EPHA10: variants seen among roughly 807,000 people sequenced by gnomAD.
The protein encoded by EPHA10 is ephrin type-A receptor 10.
In EPHA10, 120 loss-of-function variants were observed where a neutral mutation model predicts 109.7. That is an observed-to-expected ratio of 1.09 (90% CI 0.94 to 1.27). EPHA10 has a LOEUF of 1.27. Among genes scored for constraint, EPHA10 ranks in the 50% most tolerant of loss-of-function variants. The pLI is 0.00. For synonymous variants in EPHA10, 640 were observed against 618.9 expected (o/e 1.03, Z -0.51); for missense variants, 1,396 against 1,411.1 (o/e 0.99, Z 0.17).
chr1:37,718,544 G>A, intron 16 of EPHA10, 58 bp from the exon 17 acceptor site: 1 of 1,610,862 alleles, frequency 6.2e-7, no homozygotes, highest in Non-Finnish European at 8.5e-7. Context: ...CTCCTCCCAT[G>A]AAGGCCCTCC....
chr1:37,715,008 C>A (rs1415799491), downstream of EPHA10: 2 of 152,364 alleles, frequency 1.3e-5, no homozygotes, highest in Non-Finnish European at 2.9e-5. Context: ...CCACTCCTCC[C>A]TCCTCTTTCA....
chr1:37,720,807 A>G lies in EPHA10; in HGVS notation c.2184T>C (p.His728=), dbSNP rs368463511. Residue 728 remains histidine, a synonymous_variant, in exon 12 of 17, where the codon CAT becomes CAC. Coordinates refer to ENST00000373048, the MANE Select transcript of EPHA10 (RefSeq NM_001099439.2). ...CCCTGAGGAAGCCGTCCAGGGCCCC[A>G]TGGCTCATGTACTCGGTGACAATCA... ...TLMIVTEYMS[H]GALDGFLRRH... is the part of the protein sequence containing the mutation. 44 of 1,613,942 alleles carry G rather than the reference A, an allele frequency of 2.7e-5. No homozygotes were observed. Among genetic ancestry groups the G allele is most frequent in the Non-Finnish European group, 3.2e-5 (38 of 1,180,010 alleles).
At chr1:37,720,114 C>G (rs933282945) in intron 13 of EPHA10, 56 bp from the exon 14 acceptor site, 2 of 1,599,124 alleles carry the variant, frequency 1.3e-6, no homozygotes, top group African/African-American at 2.7e-5. Context: ...GCAGGTTTCC[C>G]CACCCCACTG....
At chr1:37,724,552 AAGG>A (rs1053935218) in intron 8 of EPHA10, among the ~76,000 whole-genome samples, 5 of 130,844 alleles carry the variant, frequency 3.8e-5, no homozygotes, top group Admixed American at 7.7e-5. Context: ...AGAGGAACAG[AAGG>A]AGAGCAGAGG....
intron 6 of EPHA10, among the ~76,000 whole-genome samples, chr1:37,733,973 C>T (rs1646029708): frequency 6.6e-6 from 1 of 152,190 alleles, no homozygotes; most frequent in Non-Finnish European, 1.5e-5. Context: ...CCATCTCAGT[C>T]AGTGGTACCT....
Position 37,718,221 on chromosome 1 carries a change from C to A in EPHA10, c.*151G>T. The A allele has an allele frequency of 1.5e-6, 1 of 669,560 alleles. No homozygotes were observed. The highest frequency in any genetic ancestry group is 2.6e-6 in the Non-Finnish European group (1 of 385,962). The allele number at this position is 669,560 out of a possible 1,614,324, so 41.5% of individuals were successfully genotyped here. ...AAATGGGAGGGGCAGGCAGTGAAAG[C>A]GGGGAAGCTGTGGCCCCACCAGATC... On this transcript the variant is annotated 3_prime_UTR_variant, in exon 17 of 17. Transcript: ENST00000373048.
rs757098334 is a variant in EPHA10 at position 37,764,063 on chromosome 1, C to T, written c.106+898G>A. ...AGAAAATGGTTTGGACAGCAGAGTC[C>T]GCAGACCAGAGACAGGAGGTCAGGA... On this transcript the variant is annotated intron_variant, in intron 1 of 16. Coordinates refer to ENST00000373048, the MANE Select transcript of EPHA10 (RefSeq NM_001099439.2). This position sits in a 1 kb window ranked among gnomAD's most constrained non-coding sequence, Gnocchi z 5.8. 1.3e-5 allele frequency among the ~76,000 whole-genome samples: 2 copies of T among 152,166 alleles called. No homozygotes were observed. Among genetic ancestry groups the T allele is most frequent in the Admixed American group, 6.5e-5 (1 of 15,278 alleles).
intron 6 of EPHA10, 121 bp downstream of exon 6, chr1:37,735,136 G>A (rs1030715848): frequency 6.8e-6 from 9 of 1,317,458 alleles, no homozygotes; most frequent in Admixed American, 4.2e-5. Context: ...CCTAGGAGAC[G>A]GGTGGTTATG....
In EPHA10 at chr1:37,731,457, C is replaced by T. The variant is rs1645980829; in HGVS notation, c.1617G>A (p.Glu539=). The change falls in exon 7 of 17, where the codon GAG becomes GAA. Residue 539 remains glutamate, a synonymous_variant. Coordinates refer to ENST00000373048, the MANE Select transcript of EPHA10 (RefSeq NM_001099439.2). ...CAATGCTGGGGTTAAAACTCTGGGC[C>T]TCCCAGGATGGCCCCGGGGAAGCGG... The part of the protein sequence containing the change: ...IRAASPGPSW[E]AQSFNPSIEV... 1 of 1,613,692 alleles carries T rather than the reference C, an allele frequency of 6.2e-7. No individual in the cohort carries two copies. The highest frequency in any genetic ancestry group is 8.5e-7 in the Non-Finnish European group (1 of 1,179,790).
At chr1:37,718,866 C>T (rs777400058) in intron 15 of EPHA10, 50 bp from the exon 16 acceptor site, 7 of 1,555,564 alleles carry the variant, frequency 4.5e-6, no homozygotes, top group Admixed American at 3.7e-5. Context: ...TCTGGGCCCA[C>T]ACCTGGTGGT....
intron 5 of EPHA10, among the ~76,000 whole-genome samples, chr1:37,739,297 G>A (rs559549028): frequency 7.2e-5 from 11 of 152,222 alleles, no homozygotes; most frequent in African/African-American, 2.2e-4. Context: ...GAAACAATTC[G>A]TCACAAAAAG....
chr1:37,762,085 T>G lies in EPHA10; in HGVS notation c.172-2A>C. The G allele has an allele frequency of 6.3e-7, 1 of 1,577,664 alleles. No individual in the cohort carries two copies. Among genetic ancestry groups the G allele is most frequent in the Non-Finnish European group, 8.6e-7 (1 of 1,159,700 alleles). On this transcript the variant is annotated splice_acceptor_variant, in intron 2 of 16. Transcript: ENST00000373048. LOFTEE classifies it high-confidence loss of function. Reference sequence around the variant, plus strand: ...ATCCACGCCGCTGATCTCCTCCCACTGGGGACAAGAGTAAAGGGGTGGGCA... The same window carrying G: ...ATCCACGCCGCTGATCTCCTCCCACGGGGGACAAGAGTAAAGGGGTGGGCA...
At chr1:37,723,422 C>A (rs776502270) in intron 8 of EPHA10, 50 bp from the exon 9 acceptor site, 1 of 1,600,596 alleles carries the variant, frequency 6.2e-7, no homozygotes, top group Non-Finnish European at 8.5e-7. Flanking sequence ...CCCGGCCCTT[C>A]CCATTACAGA....
Position 37,754,883 on chromosome 1 carries a change from C to T in EPHA10, c.851-513G>A, listed in dbSNP as rs1646380679. Among the ~76,000 whole-genome samples, 1 of 152,052 alleles carries T rather than the reference C, an allele frequency of 6.6e-6. No homozygotes were observed. Among genetic ancestry groups the T allele is most frequent in the Non-Finnish European group, 1.5e-5 (1 of 68,000 alleles). ...CGGGATCTCCACTCACTGCAACCCC[C>T]ACCTCCCAGGTTTAAGCGATTCTCC... On this transcript the variant is annotated intron_variant, in intron 3 of 16. Coordinates refer to ENST00000373048, the MANE Select transcript of EPHA10 (RefSeq NM_001099439.2). This position sits in a 1 kb window ranked among gnomAD's most constrained non-coding sequence, Gnocchi z 4.5.
At chr1:37,721,955 A>T (rs1645805871) in intron 10 of EPHA10, 110 bp from the exon 11 acceptor site, 1 of 1,102,718 alleles carries the variant, frequency 9.1e-7, no homozygotes, top group South Asian at 1.8e-5. Context: ...ACATGGCGAA[A>T]CCCAGTCTCT....
chr1:37,751,242 G>GAAAAAAA (rs34839037), intron 5 of EPHA10, among the ~76,000 whole-genome samples: 18 of 124,200 alleles, frequency 1.4e-4, no homozygotes, highest in South Asian at 5.4e-4. Flanking sequence ...AAAAGAAAAA[G>GAAAAAAA]AAAAAAAAAA....
rs1273975115 is a variant in EPHA10, at chr1:37,719,922, A to G, written c.2549T>C (p.Met850Thr). Residue 850 changes from methionine to threonine, a missense_variant, in exon 14 of 17, where the codon ATG (methionine) becomes ACG (threonine). Coordinates refer to ENST00000373048, the MANE Select transcript of EPHA10 (RefSeq NM_001099439.2). ...MAFGERPYWD[M>T]SGQDVIKAVE... ...CGGGTTACTCACGTCTTGGCCAGAC[A>G]TGTCCCAGTAAGGCCGCTCCCCAAA... 6.2e-7 allele frequency: 1 copy of G among 1,613,982 alleles called. No homozygotes were observed. The highest frequency in any genetic ancestry group is 1.7e-5 in the Admixed American group (1 of 60,024).
Position 37,764,932 on chromosome 1 carries a change from C to T in EPHA10, c.106+29G>A. The T allele has an allele frequency of 1.3e-6, 2 of 1,577,252 alleles. No homozygotes were observed. Among genetic ancestry groups the T allele is most frequent in the Non-Finnish European group, 1.7e-6 (2 of 1,161,276 alleles). On this transcript the variant is annotated intron_variant, in intron 1 of 16. Transcript: ENST00000373048. The surrounding 1 kb of genome is among the most constrained non-coding windows in gnomAD (Gnocchi z 5.8). ...GCCCCCTATCTTTTGGTATGCCACGCTCCGAGCAGAGCTCACCAGTCTTCT... is the reference window on the plus strand; with the variant it reads ...GCCCCCTATCTTTTGGTATGCCACGTTCCGAGCAGAGCTCACCAGTCTTCT...
rs1304025251 is a variant in EPHA10 at position 37,764,991 on chromosome 1, C to G, written c.76G>C (p.Gly26Arg). 6.2e-7 allele frequency: 1 copy of G among 1,610,672 alleles called. No homozygotes were observed. Among genetic ancestry groups the G allele is most frequent in the Non-Finnish European group, 8.5e-7 (1 of 1,179,230 alleles). The change falls in exon 1 of 17, where the codon GGA becomes CGA. Residue 26 changes from glycine to arginine, a missense_variant. Coordinates refer to ENST00000373048, the MANE Select transcript of EPHA10 (RefSeq NM_001099439.2). The surrounding 1 kb of genome is among the most constrained non-coding windows in gnomAD (Gnocchi z 5.8). ...RMQLCLALLL[G>R]PWRPGTAEEV... ...TCGGCGGTCCCAGGCCGCCAGGGTC[C>G]CAAAAGCAGCGCGAGACAGAGCTGC...
Sources: gnomAD v4.1 joint callset for allele counts (sites outside exome capture counted in the v4.1 genomes callset) on GRCh38, gnomAD v4.1.1 for gene constraint, Gnocchi (gnomAD v3.1) non-coding constraint, MANE v1.5 for transcripts, NCBI Gene and HGNC (gene_info 2026-07-23, HGNC 2026-07-21) for gene names.